POLR3A: variants seen among roughly 807,000 people sequenced by gnomAD.
The protein encoded by POLR3A is DNA-directed RNA polymerase III subunit RPC1.
Under a neutral mutation model 152.8 loss-of-function variants are expected in POLR3A, and 112 were observed. The observed-to-expected ratio is 0.73, with a 90% CI of 0.63 to 0.86. The LOEUF (loss-of-function observed/expected upper bound fraction) is 0.86. Among genes scored for constraint, POLR3A ranks in the 40% least tolerant of loss-of-function variants. The pLI is 0.00. For synonymous variants in POLR3A, 615 were observed against 652.1 expected (o/e 0.94, Z 0.87); for missense variants, 1,385 against 1,743.1 (o/e 0.79, Z 3.66).
chr10:78,008,843 G>A (rs1190968148), intron 14 of POLR3A, among the ~76,000 whole-genome samples: 1 of 142,772 alleles, frequency 7.0e-6, no homozygotes, highest in Non-Finnish European at 1.5e-5. Flanking sequence ...GAACCTGTTT[G>A]TCTTTGAAAA....
chr10:77,976,522 G>A lies in POLR3A; in HGVS notation c.*956C>T, dbSNP rs1244100605. 6.6e-6 allele frequency: 1 copy of A among 152,196 alleles called. No individual in the cohort carries two copies. Among genetic ancestry groups the A allele is most frequent in the African/African-American group, 2.4e-5 (1 of 41,440 alleles). 9.4% of individuals were successfully genotyped at this position (152,196 alleles called of 1,614,324 possible). A position where few individuals can be genotyped will look rare whatever the true frequency, so the allele number is the denominator to read the frequency against. ...TAATCCACAATCACATCAGTAGGAA[G>A]GGAAAGCACTCATTCTAACACAGAT... On this transcript the variant is annotated 3_prime_UTR_variant, in exon 31 of 31. Coordinates refer to ENST00000372371, the MANE Select transcript of POLR3A (RefSeq NM_007055.4).
chr10:78,026,849 T>C (rs963637762), intron 1 of POLR3A, among the ~76,000 whole-genome samples: 1 of 152,218 alleles, frequency 6.6e-6, no homozygotes, highest in Non-Finnish European at 1.5e-5. Flanking sequence ...TCCACCTAGA[T>C]ATCTCATAGG....
At chr10:77,995,304 A>C (rs11002359) in intron 19 of POLR3A, among the ~76,000 whole-genome samples, 19,339 of 151,848 alleles carry the variant, frequency 0.13, 2,393 homozygotes, top group African/African-American at 0.31. Context: ...CAAATTCACA[A>C]ATAAAATATT....
chr10:77,990,549 T>G (rs1343174857), intron 21 of POLR3A, among the ~76,000 whole-genome samples: 1 of 151,994 alleles, frequency 6.6e-6, no homozygotes, highest in East Asian at 1.9e-4. Flanking sequence ...ACTAAGAAAG[T>G]CATGAGATAA....
At chr10:77,995,752 C>T (rs1438753797) in intron 19 of POLR3A, among the ~76,000 whole-genome samples, 2 of 152,132 alleles carry the variant, frequency 1.3e-5, no homozygotes, top group Admixed American at 1.3e-4. Context: ...GACAGAACAA[C>T]GAGACAGAAA....
intron 16 of POLR3A, 48 bp from the exon 17 acceptor site, chr10:78,002,356 G>T: frequency 8.6e-7 from 1 of 1,164,712 alleles, no homozygotes; most frequent in Non-Finnish European, 1.3e-6. Flanking sequence ...CATTGTCTCT[G>T]TGGATTACAA....
In POLR3A at chr10:78,013,694, G is replaced by C; in HGVS notation, c.1528C>G (p.Pro510Ala). The C allele has an allele frequency of 6.2e-7, 1 of 1,614,120 alleles. No homozygotes were observed. The highest frequency in any genetic ancestry group is 8.5e-7 in the Non-Finnish European group (1 of 1,180,022). Residue 510 changes from proline (P) to alanine (A), a missense_variant, in exon 11 of 31, where the codon CCT becomes GCT. Pro to Ala is a conservative substitution (Grantham distance 27, BLOSUM62 -1). Transcript: ENST00000372371. ...TCTGCTTTAGCTTCTTCTGTTTGAG[G>C]AAGATGAAGGTTCATTTCATCACCA... Reference protein sequence around the residue: ...FDGDEMNLHLPQTEEAKAEAL... With the variant: ...FDGDEMNLHLAQTEEAKAEAL...
rs752264933 is a variant in POLR3A, at chr10:77,993,322, G to T, written c.2662C>A (p.Leu888Met). ...SLEDLCSQYD[L>M]TVRSSTGDII... ...TCGCCAGTAGAGCTTCGGACTGTCA[G>T]ATCATACTGGGAGCAAAGATCTTCA... Residue 888 changes from leucine to methionine, a missense_variant, in exon 20 of 31, where the codon CTG becomes ATG. Transcript: ENST00000372371. The T allele has an allele frequency of 6.2e-6, 10 of 1,613,318 alleles. No homozygotes were observed. The Admixed American group carries it at 8.3e-5, about 13-fold the overall frequency.
At position 78,025,017 on chromosome 10, in the gene POLR3A, G is replaced by C. The variant is rs1847618074; in HGVS notation, c.444C>G (p.Asp148Glu). ...GGCAGATGTTTTTCTTCCGGCACTT[G>C]TCAGAGATTTTCTTTTTCAGTCCTC... ...QKRGLKKKISDKCRKKNICHH... is the reference protein window; with the variant it reads ...QKRGLKKKISEKCRKKNICHH... The change falls in exon 4 of 31, where the codon GAC becomes GAG. Residue 148 changes from aspartate to glutamate, a missense_variant. Coordinates refer to ENST00000372371, the MANE Select transcript of POLR3A (RefSeq NM_007055.4). 2.5e-6 allele frequency: 4 copies of C among 1,614,196 alleles called. No homozygotes were observed. The highest frequency in any genetic ancestry group is 2.2e-5 in the East Asian group (1 of 44,884).
At chr10:77,977,694 A>C (rs1195405620) in intron 30 of POLR3A, 68 bp from the exon 31 acceptor site, 1 of 1,391,392 alleles carries the variant, frequency 7.2e-7, no homozygotes, top group Non-Finnish European at 1.0e-6. Flanking sequence ...AAGAAAGACT[A>C]TTGGCTTAAG....
At chr10:78,027,836 C>T (rs956135757) in intron 1 of POLR3A, among the ~76,000 whole-genome samples, 39 of 152,252 alleles carry the variant, frequency 2.6e-4, no homozygotes, top group Admixed American at 7.8e-4. Flanking sequence ...GGATTACAGA[C>T]GTGAGCCACC....
At position 77,990,774 on chromosome 10, in the gene POLR3A, C is replaced by T. The variant is rs182165807; in HGVS notation, c.2901+280G>A. Among the ~76,000 whole-genome samples, 524 of 152,044 alleles carry T rather than the reference C, an allele frequency of 3.4e-3. 5 individuals are homozygous for T. The highest frequency in any genetic ancestry group is 0.012 in the African/African-American group (489 of 41,480). ...GATTACAGGTGCCCGCCACCACGCCCGGCTAATTTTTGTATTTTTAGTAGA... is the reference window on the plus strand; with the variant it reads ...GATTACAGGTGCCCGCCACCACGCCTGGCTAATTTTTGTATTTTTAGTAGA... On this transcript the variant is annotated intron_variant, in intron 21 of 30. Transcript: ENST00000372371.
At chr10:78,024,458 G>C (rs1847610089) in intron 5 of POLR3A, 91 bp downstream of exon 5, 2 of 1,324,034 alleles carry the variant, frequency 1.5e-6, no homozygotes, top group Non-Finnish European at 2.1e-6. Context: ...GTCTAGGGGT[G>C]GGGCGGAGTT....
At chr10:78,017,244 G>A (rs145672146) in intron 10 of POLR3A, among the ~76,000 whole-genome samples, 1 of 152,002 alleles carries the variant, frequency 6.6e-6, no homozygotes, top group Non-Finnish European at 1.5e-5. Context: ...GGGCAATATA[G>A]TGAGACCCCC....
intron 13 of POLR3A, 55 bp from the exon 14 acceptor site, chr10:78,009,730 C>T (rs577915627): frequency 6.2e-7 from 1 of 1,613,814 alleles, no homozygotes; most frequent in South Asian, 1.1e-5. Context: ...CTCAATCCCC[C>T]TTCAGTAGAC....
intron 19 of POLR3A, among the ~76,000 whole-genome samples, chr10:77,999,073 T>C (rs1341483656): frequency 6.6e-6 from 1 of 152,140 alleles, no homozygotes; most frequent in African/African-American, 2.4e-5. Context: ...ATGCCGCATG[T>C]TCTCACTCAT....
chr10:77,982,333 A>T lies in POLR3A; in HGVS notation c.3595-15T>A, dbSNP rs987864862. The T allele has an allele frequency of 3.7e-6, 6 of 1,613,932 alleles. No individual in the cohort carries two copies. Among genetic ancestry groups the T allele is most frequent in the Non-Finnish European group, 5.1e-6 (6 of 1,179,834 alleles). On this transcript the variant is annotated splice_polypyrimidine_tract_variant and intron_variant, in intron 27 of 30. Coordinates refer to ENST00000372371, the MANE Select transcript of POLR3A (RefSeq NM_007055.4). ...TGCACCACCACCTGGATTCAGAGAC[A>T]GAGAAAGCTGTGAGGACGGGGTGAG...
At chr10:78,024,831 T>C (rs1847616242) in intron 4 of POLR3A, 128 bp from the exon 5 acceptor site, 5 of 1,319,424 alleles carry the variant, frequency 3.8e-6, no homozygotes, top group African/African-American at 1.4e-5. Flanking sequence ...CGTTTCCCAA[T>C]AGGACATCAG....
chr10:78,015,835 T>C (rs1004099122), intron 10 of POLR3A, among the ~76,000 whole-genome samples: 4 of 152,094 alleles, frequency 2.6e-5, no homozygotes, highest in Non-Finnish European at 5.9e-5. Flanking sequence ...ACCTAATAAT[T>C]ATATTTTGTA....
Sources: gnomAD v4.1 joint callset for allele counts (sites outside exome capture counted in the v4.1 genomes callset) on GRCh38, gnomAD v4.1.1 for gene constraint, MANE v1.5 for transcripts, NCBI Gene and HGNC (gene_info 2026-07-23, HGNC 2026-07-21) for gene names.